Variants in ADGRB3 observed in about 807,000 individuals in gnomAD.
ADGRB3 encodes the protein adhesion G protein-coupled receptor B3, also known as brain-specific angiogenesis inhibitor 3.
A neutral mutation model predicts 193.4 loss-of-function variants in ADGRB3; 37 were observed. The observed-to-expected ratio is 0.19, with a 90% CI of 0.15 to 0.25. ADGRB3 has a LOEUF of 0.25. ADGRB3 is among the 10% of genes least tolerant of loss of function. The pLI is 1.00. For missense variants in ADGRB3, 1,637 were observed against 1,852.9 expected, an observed-to-expected ratio of 0.88 and a Z score of 2.14; for synonymous variants, 690 against 644.2, an observed-to-expected ratio of 1.07 and a Z score of -1.08.
At chr6:68,718,635 C>G (rs1223623310) in intron 3 of ADGRB3, among the ~76,000 whole-genome samples, 1 of 151,760 alleles carries the variant, frequency 6.6e-6, no homozygotes, top group Admixed American at 6.6e-5. Flanking sequence ...CTCATCTCTT[C>G]TGGGAAATCT....
intron 20 of ADGRB3, among the ~76,000 whole-genome samples, chr6:69,314,948 G>A (rs1434186381): frequency 1.3e-5 from 2 of 151,422 alleles, no homozygotes; most frequent in Non-Finnish European, 3.0e-5. Flanking sequence ...CAATTTGCAC[G>A]TGTTGATGGA....
intron 3 of ADGRB3, among the ~76,000 whole-genome samples, chr6:68,893,436 A>T (rs527559531): frequency 2.6e-5 from 4 of 152,018 alleles, no homozygotes; most frequent in African/African-American, 9.6e-5. Flanking sequence ...AGAATTATAT[A>T]TGAAAGCCAG....
chr6:68,854,012 C>T (rs569282530), intron 3 of ADGRB3, among the ~76,000 whole-genome samples: 38 of 152,250 alleles, frequency 2.5e-4, no homozygotes, highest in African/African-American at 8.2e-4. Flanking sequence ...ACTGCCTGCT[C>T]ATTTCTTGCT....
intron 3 of ADGRB3, among the ~76,000 whole-genome samples, chr6:68,824,916 G>A (rs1230122276): frequency 2.6e-5 from 4 of 151,778 alleles, no homozygotes; most frequent in Non-Finnish European, 5.9e-5. Flanking sequence ...GTGCAGTGGC[G>A]CGATCTCCCT....
chr6:69,163,031 C>T (rs982375339), intron 17 of ADGRB3, among the ~76,000 whole-genome samples: 15 of 152,100 alleles, frequency 9.9e-5, no homozygotes, highest in African/African-American at 3.6e-4. Context: ...ATTCTGTTCC[C>T]TTGGCCTGCT....
intron 3 of ADGRB3, among the ~76,000 whole-genome samples, chr6:68,862,791 A>G (rs1477365515): frequency 6.6e-6 from 1 of 151,958 alleles, no homozygotes; most frequent in Non-Finnish European, 1.5e-5. Context: ...TTGTTTTAGC[A>G]TTTATCTTCT....
rs538734798 is a variant in ADGRB3 at position 69,122,405 on chromosome 6, C to T, written c.2480+46367C>T. On this transcript the variant is annotated intron_variant, in intron 17 of 31. Transcript: ENST00000370598. ...GGGAGGCTGCAGCCAGCCAAGACCACGGCAGTACAGTCCAGCCTCAGCAAC... is the reference window on the plus strand; with the variant it reads ...GGGAGGCTGCAGCCAGCCAAGACCATGGCAGTACAGTCCAGCCTCAGCAAC... 7.6e-4 allele frequency among the ~76,000 whole-genome samples: 106 copies of T among 139,290 alleles called. 1 individual carries two copies. The South Asian group carries it at 0.018, about 23-fold the overall frequency. The allele number at this position is 139,290 out of a possible 152,430, so 91.4% of individuals were successfully genotyped here. A position where few individuals can be genotyped will look rare whatever the true frequency, so the allele number is the denominator to read the frequency against.
chr6:69,332,972 A>G lies in ADGRB3; in HGVS notation c.3152A>G (p.Asp1051Gly). 1 of 1,613,724 alleles carries G rather than the reference A, an allele frequency of 6.2e-7. No homozygotes were observed. The highest frequency in any genetic ancestry group is 1.7e-5 in the Admixed American group (1 of 59,976). Residue 1051 changes from aspartate to glycine, a missense_variant, in exon 24 of 32, where the codon GAT becomes GGT. Transcript: ENST00000370598. The part of the protein sequence containing the change: ...ILVFNKLVSR[D>G]GILDKKLKHR... ...GTATTTAATAAACTTGTTTCCAGAGATGGAATCCTAGATAAAAAGCTCAAA... is the reference window on the plus strand; with the variant it reads ...GTATTTAATAAACTTGTTTCCAGAGGTGGAATCCTAGATAAAAAGCTCAAA...
At chr6:68,754,102 G>C (rs1380126023) in intron 3 of ADGRB3, among the ~76,000 whole-genome samples, 2 of 152,130 alleles carry the variant, frequency 1.3e-5, no homozygotes, top group African/African-American at 4.8e-5. Context: ...CATTTAGTTA[G>C]CAAGCAAGAT....
intron 17 of ADGRB3, among the ~76,000 whole-genome samples, chr6:69,177,183 TG>T (rs968535141): frequency 5.3e-5 from 8 of 152,148 alleles, no homozygotes; most frequent in Non-Finnish European, 1.0e-4. Context: ...AGTTTTTTCT[TG>T]TTTTTCTAGT....
chr6:69,019,147 A>G (rs1252336106), intron 13 of ADGRB3, among the ~76,000 whole-genome samples: 1 of 152,014 alleles, frequency 6.6e-6, no homozygotes, highest in East Asian at 1.9e-4. Context: ...TAACAAGCAC[A>G]AAGAAATAGC....
intron 3 of ADGRB3, among the ~76,000 whole-genome samples, chr6:68,817,962 G>T (rs904903051): frequency 6.6e-6 from 1 of 151,948 alleles, no homozygotes; most frequent in African/African-American, 2.4e-5. Context: ...CTTGATTGAC[G>T]AAATTGAGAA....
intron 6 of ADGRB3, among the ~76,000 whole-genome samples, chr6:68,954,789 C>T (rs1344716464): frequency 5.9e-5 from 9 of 151,556 alleles, no homozygotes; most frequent in Admixed American, 1.3e-4. Context: ...ACACCATTCT[C>T]CTGCCTCAGC....
intron 3 of ADGRB3, among the ~76,000 whole-genome samples, chr6:68,786,104 G>A (rs1158233178): frequency 1.3e-5 from 2 of 151,800 alleles, no homozygotes; most frequent in African/African-American, 4.9e-5. Context: ...TCTGTAGGTT[G>A]CCTGTTCACT....
intron 17 of ADGRB3, among the ~76,000 whole-genome samples, chr6:69,106,436 T>C (rs1266499961): frequency 6.6e-6 from 1 of 152,156 alleles, no homozygotes; most frequent in Non-Finnish European, 1.5e-5. Context: ...GCCTTATTTT[T>C]TCTGTCCGTA....
chr6:68,831,553 G>A (rs898958352), intron 3 of ADGRB3, among the ~76,000 whole-genome samples: 1 of 152,058 alleles, frequency 6.6e-6, no homozygotes, highest in Non-Finnish European at 1.5e-5. Context: ...TTTTGAGCAC[G>A]GGGTAGTGAA....
At chr6:69,201,990 T>A (rs915447559) in intron 17 of ADGRB3, among the ~76,000 whole-genome samples, 8 of 152,134 alleles carry the variant, frequency 5.3e-5, no homozygotes, top group Non-Finnish European at 1.0e-4. Flanking sequence ...TATAGCTCTT[T>A]GTATTGTAAA....
intron 3 of ADGRB3, among the ~76,000 whole-genome samples, chr6:68,774,609 T>C (rs892729693): frequency 9.9e-5 from 15 of 152,108 alleles, no homozygotes; most frequent in Non-Finnish European, 2.2e-4. Flanking sequence ...CCTTTTTATA[T>C]TTATTGCTTT....
At chr6:69,068,398 A>G (rs984268737) in intron 16 of ADGRB3, among the ~76,000 whole-genome samples, 3 of 152,270 alleles carry the variant, frequency 2.0e-5, no homozygotes, top group South Asian at 2.1e-4. Context: ...TAATTAATCT[A>G]TTTCTTTATT....
Sources: gnomAD v4.1 joint callset for allele counts (sites outside exome capture counted in the v4.1 genomes callset) on GRCh38, gnomAD v4.1.1 for gene constraint, MANE v1.5 for transcripts, NCBI Gene and HGNC (gene_info 2026-07-23, HGNC 2026-07-21) for gene names.